UVSSA: variants seen among roughly 807,000 people sequenced by gnomAD.
UVSSA encodes the protein UV-stimulated scaffold protein A.
Under a neutral mutation model 73.9 loss-of-function variants are expected in UVSSA, and 72 were observed. That is an observed-to-expected ratio of 0.97 (90% CI 0.81 to 1.19). The LOEUF is 1.19. Ranked by LOEUF, UVSSA falls within the 50% of genes most tolerant of loss-of-function variation. The probability of loss-of-function intolerance (pLI) is 0.00; values close to 1 mark genes in which losing one functional copy is unlikely to be tolerated. For missense variants in UVSSA, 1,150 were observed against 965.0 expected (o/e 1.19, Z -2.54); for synonymous variants, 454 against 391.3 (o/e 1.16, Z -1.89).
At chr4:1,356,796 GTCACTGCCCGGTCTCCACGGCA>G (rs1211804632) in intron 7 of UVSSA, 2 of 152,372 alleles carry the variant, frequency 1.3e-5, no homozygotes, top group African/African-American at 4.8e-5. Context: ...CCCTTTCAAG[GTCACTGCCCGGTCTCCACGGCA>G]TGGGCAAGGC....
In UVSSA at chr4:1,353,145, C is replaced by T. The variant is rs760575642; in HGVS notation, c.666C>T (p.Gly222=). The T allele has an allele frequency of 6.8e-6, 11 of 1,612,926 alleles. No individual in the cohort carries two copies. The highest frequency in any genetic ancestry group is 5.0e-5 in the Admixed American group (3 of 60,008). The change falls in exon 5 of 14, where the codon GGC becomes GGT. Residue 222 remains glycine (G), a synonymous_variant. Transcript: ENST00000389851. ...CGGAATCCCTTGGCATGGCTTCTGG[C>T]ATGTCCGATGCCCTTCGCTCCTCCT... is the stretch of plus-strand genomic sequence containing the variant. ...PETESLGMAS[G]MSDALRSSCA...
At position 1,386,177 on chromosome 4, in the gene UVSSA, C is replaced by G. The variant is rs1720097690; in HGVS notation, c.*216C>G. Reference sequence around the variant, plus strand: ...ATGGGTCTGGCCTCGCAGAAGAGGCCCTCGGGCCTGGAGATGTGAACACAG... The same window carrying G: ...ATGGGTCTGGCCTCGCAGAAGAGGCGCTCGGGCCTGGAGATGTGAACACAG... On this transcript the variant is annotated 3_prime_UTR_variant, in exon 14 of 14. Transcript: ENST00000389851. 3 of 551,746 alleles carry G rather than the reference C, an allele frequency of 5.4e-6. No homozygotes were observed. Among genetic ancestry groups the G allele is most frequent in the Admixed American group, 6.1e-5 (2 of 32,994 alleles). 34.2% of individuals were successfully genotyped at this position (551,746 alleles called of 1,614,324 possible). A position where few individuals can be genotyped will look rare whatever the true frequency, so the allele number is the denominator to read the frequency against.
chr4:1,376,981 C>T (rs1560476967), intron 10 of UVSSA, among the ~76,000 whole-genome samples: 1 of 152,208 alleles, frequency 6.6e-6, no homozygotes, highest in South Asian at 2.1e-4. Flanking sequence ...CCAGGTGTGA[C>T]ACGGAATATT....
upstream of UVSSA, among the ~76,000 whole-genome samples, chr4:1,345,897 G>A (rs533028079): frequency 6.6e-6 from 1 of 152,152 alleles, no homozygotes; most frequent in Non-Finnish European, 1.5e-5. Flanking sequence ...CGCTGTAGAA[G>A]ACAGAGGGAA....
upstream of UVSSA, among the ~76,000 whole-genome samples, chr4:1,345,631 C>A (rs1289910939): frequency 2.8e-5 from 3 of 105,918 alleles, no homozygotes; most frequent in South Asian, 3.1e-4. Context: ...GGTGACAAAG[C>A]GAGACTTTGT....
intron 8 of UVSSA, among the ~76,000 whole-genome samples, chr4:1,370,491 C>G (rs1364454583): frequency 1.3e-5 from 2 of 152,258 alleles, no homozygotes; most frequent in African/African-American, 4.8e-5. Flanking sequence ...CTTTCAGCCC[C>G]TGGGAACCCA....
At chr4:1,380,718 C>T (rs754156879) in intron 11 of UVSSA, 162 bp from the exon 12 acceptor site, 23 of 1,546,568 alleles carry the variant, frequency 1.5e-5, no homozygotes, top group Admixed American at 2.0e-5. Context: ...GCTCTCAGGA[C>T]GCCCTCCTCT....
intron 7 of UVSSA, chr4:1,358,477 C>T (rs529347409): frequency 4.1e-4 from 62 of 152,390 alleles, no homozygotes; most frequent in African/African-American, 1.4e-3. Context: ...AAGCACCGTT[C>T]TGAAGTCCTT....
At chr4:1,368,562 A>G (rs966667754) in intron 8 of UVSSA, among the ~76,000 whole-genome samples, 3 of 152,204 alleles carry the variant, frequency 2.0e-5, no homozygotes, top group Admixed American at 6.5e-5. Flanking sequence ...CCCATCGACA[A>G]TAGCGTCCAG....
At chr4:1,377,077 G>A (rs1353058457) in intron 10 of UVSSA, among the ~76,000 whole-genome samples, 5 of 152,222 alleles carry the variant, frequency 3.3e-5, no homozygotes, top group African/African-American at 1.2e-4. Flanking sequence ...GGTCTGCGGG[G>A]CGTGATGCGG....
chr4:1,380,150 G>A lies in UVSSA; in HGVS notation c.1672G>A (p.Gly558Arg), dbSNP rs772199800. 14 of 1,613,248 alleles carry A rather than the reference G, an allele frequency of 8.7e-6. No individual in the cohort carries two copies. Among genetic ancestry groups the A allele is most frequent in the African/African-American group, 2.7e-5 (2 of 75,054 alleles). Residue 558 changes from glycine (G) to arginine (R), a missense_variant, in exon 11 of 14, where the codon GGG becomes AGG. Transcript: ENST00000389851. ...CCGGAGCCGCCACATCACTTTTGCC[G>A]GGAAGTTTGAGCCTGTGCAGCACTG... is the stretch of plus-strand genomic sequence containing the variant. ...MLRSRHITFA[G>R]KFEPVQHWCR...
exon 14 of UVSSA, chr4:1,393,423 T>C (rs1402293154): frequency 2.0e-5 from 3 of 152,170 alleles, no homozygotes; most frequent in Non-Finnish European, 4.4e-5. Flanking sequence ...GGCGTGGTGG[T>C]GTGCACCTGT....
downstream of UVSSA, chr4:1,391,109 C>G (rs1435810709): frequency 1.3e-5 from 2 of 149,214 alleles, no homozygotes; most frequent in Non-Finnish European, 2.9e-5. Flanking sequence ...CATGTTGGGT[C>G]TGATTGGTTT....
chr4:1,350,056 C>T lies in UVSSA; in HGVS notation c.429+202C>T, dbSNP rs190540607. Among the ~76,000 whole-genome samples, 328 of 152,226 alleles carry T rather than the reference C, an allele frequency of 2.2e-3. 5 individuals are homozygous for T. The highest frequency in any genetic ancestry group is 6.2e-4 in the Non-Finnish European group (42 of 68,008). On this transcript the variant is annotated intron_variant, in intron 3 of 13. Coordinates refer to ENST00000389851, the MANE Select transcript of UVSSA (RefSeq NM_020894.4). ...AGGGTCACGGCCTCCCTGAGAGGGG[C>T]GGCGCAGCTCTGAGAGGAAGAGCAT...
chr4:1,371,178 T>G (rs1223299512), intron 8 of UVSSA, among the ~76,000 whole-genome samples: 1 of 152,086 alleles, frequency 6.6e-6, no homozygotes, highest in African/African-American at 2.4e-5. Flanking sequence ...GTGTATGTAC[T>G]CAGTAAGCCT....
upstream of UVSSA, among the ~76,000 whole-genome samples, chr4:1,345,906 A>C (rs551559870): frequency 6.6e-6 from 1 of 152,084 alleles, no homozygotes; most frequent in Admixed American, 6.5e-5. Flanking sequence ...AGACAGAGGG[A>C]AACTGCTGGA....
chr4:1,354,910 G>C (rs1715450030), intron 6 of UVSSA, 63 bp downstream of exon 6: 3 of 1,446,412 alleles, frequency 2.1e-6, no homozygotes, highest in Non-Finnish European at 2.9e-6. Flanking sequence ...GCATGGGGGG[G>C]GTCCCTTTCT....
At chr4:1,379,174 A>C (rs1719134622) in intron 10 of UVSSA, among the ~76,000 whole-genome samples, 1 of 152,204 alleles carries the variant, frequency 6.6e-6, no homozygotes, top group South Asian at 2.1e-4. Flanking sequence ...GTCAGCAGGC[A>C]ATGAGCAGCC....
upstream of UVSSA, among the ~76,000 whole-genome samples, chr4:1,345,077 C>T (rs753455201): frequency 4.3e-4 from 66 of 152,096 alleles, no homozygotes; most frequent in Non-Finnish European, 7.1e-4. Flanking sequence ...TCCTGTGATC[C>T]GACCTTAGAC....
Sources: allele counts gnomAD v4.1 joint callset (sites outside exome capture counted in the v4.1 genomes callset), GRCh38; gene constraint gnomAD v4.1.1; transcripts MANE v1.5; gene names NCBI Gene and HGNC (gene_info 2026-07-23, HGNC 2026-07-21).